Variants in ALLC observed in about 807,000 individuals in gnomAD.
ALLC encodes the protein probable inactive allantoicase.
In ALLC, 40 loss-of-function variants were observed where a neutral mutation model predicts 45.0. That is an observed-to-expected ratio of 0.89 (90% CI 0.69 to 1.16). ALLC has a LOEUF of 1.16. Among genes scored for constraint, ALLC ranks in the 50% most tolerant of loss-of-function variants. The pLI, the probability that ALLC is intolerant of heterozygous loss-of-function variation, is 0.00. For missense variants in ALLC, 488 were observed against 493.1 expected (o/e 0.99, Z 0.10); for synonymous variants, 176 against 178.1 (o/e 0.99, Z 0.09).
chr2:3,702,480 G>A lies in ALLC; in HGVS notation c.1093G>A (p.Gly365Ser). 1.2e-6 allele frequency: 2 copies of A among 1,612,044 alleles called. No homozygotes were observed. Among genetic ancestry groups the A allele is most frequent in the Non-Finnish European group, 1.7e-6 (2 of 1,179,598 alleles). ...GGGAGTGAGCCGCCTTCGGCTCCGGGGCTTCCCCAGCTCCATCTGCCTCCT... is the reference window on the plus strand; with the variant it reads ...GGGAGTGAGCCGCCTTCGGCTCCGGAGCTTCCCCAGCTCCATCTGCCTCCT... ...DGGVSRLRLR[G>S]FPSSICLLRP... is the part of the protein sequence containing the mutation. The change falls in exon 12 of 12, where the codon GGC becomes AGC. Residue 365 changes from glycine (G) to serine (S), a missense_variant. By Grantham distance (56) the Gly-to-Ser change is moderately conservative. Coordinates refer to ENST00000252505, the MANE Select transcript of ALLC (RefSeq NM_018436.4).
intron 1 of ALLC, among the ~76,000 whole-genome samples, chr2:3,666,249 C>A (rs998507925): frequency 6.6e-6 from 1 of 152,178 alleles, no homozygotes; most frequent in Admixed American, 6.6e-5. Flanking sequence ...CGCTCTGTAC[C>A]GGGGCATAGT....
At chr2:3,653,153 C>T in the ALLC span, among the ~76,000 whole-genome samples, 2 of 152,196 alleles carry the variant, frequency 1.3e-5, no homozygotes, top group Non-Finnish European at 2.9e-5. The surrounding 1 kb of genome is among the most constrained non-coding windows in gnomAD (Gnocchi z 4.1). Flanking sequence ...AGTGGGTGCA[C>T]ACGGGGCCCC....
chr2:3,697,617 G>GTCTATCTATCTA (rs201656158), intron 10 of ALLC, among the ~76,000 whole-genome samples, 161 bp downstream of exon 10: 37 of 138,708 alleles, frequency 2.7e-4, no homozygotes, highest in Non-Finnish European at 3.1e-4. Flanking sequence ...AACTCTGTCT[G>GTCTATCTATCTA]TCTGTCTATC....
the ALLC span, among the ~76,000 whole-genome samples, chr2:3,649,890 T>TA: frequency 6.6e-6 from 1 of 152,272 alleles, no homozygotes; most frequent in African/African-American, 2.4e-5. Flanking sequence ...GGATTCAGTG[T>TA]TTTTCCTCAT....
intron 10 of ALLC, among the ~76,000 whole-genome samples, chr2:3,700,009 C>A (rs1157772969): frequency 6.6e-6 from 1 of 152,118 alleles, no homozygotes; most frequent in Non-Finnish European, 1.5e-5. Context: ...AATTAGATCC[C>A]ATTTGTCATT....
At chr2:3,678,864 C>T (rs574126784) in intron 4 of ALLC, among the ~76,000 whole-genome samples, 15 of 152,272 alleles carry the variant, frequency 9.9e-5, no homozygotes, top group Admixed American at 5.9e-4. Context: ...CATTAGGCAG[C>T]GTGCATCTTC....
chr2:3,651,999 G>A, the ALLC span, among the ~76,000 whole-genome samples: 4 of 152,202 alleles, frequency 2.6e-5, no homozygotes, highest in African/African-American at 7.2e-5. Context: ...TCAGCAGTTC[G>A]GAACCAAGAA....
the ALLC span, among the ~76,000 whole-genome samples, chr2:3,646,637 C>T: frequency 3.3e-5 from 5 of 152,150 alleles, no homozygotes; most frequent in South Asian, 2.1e-4. Context: ...GAAGGGAGCC[C>T]GTCAGAGCGA....
At chr2:3,677,716 G>A (rs752997451) in intron 3 of ALLC, among the ~76,000 whole-genome samples, 5 of 152,156 alleles carry the variant, frequency 3.3e-5, no homozygotes, top group African/African-American at 9.7e-5. Context: ...CATCCCTGCC[G>A]CCCTGGGTCC....
the ALLC span, among the ~76,000 whole-genome samples, chr2:3,651,297 T>TGGGGGGGG: frequency 1.7e-3 from 3 of 1,720 alleles, no homozygotes; most frequent in East Asian, 0.015. Flanking sequence ...GAATTCTTTT[T>TGGGGGGGG]GGGTGGGTGG....
intron 1 of ALLC, among the ~76,000 whole-genome samples, chr2:3,663,953 A>G (rs572827479): frequency 1.3e-5 from 2 of 152,254 alleles, no homozygotes; most frequent in Non-Finnish European, 2.9e-5. Flanking sequence ...TGACTGAAGA[A>G]CTGGATTTTG....
At chr2:3,663,675 G>A (rs1269205480) in intron 1 of ALLC, among the ~76,000 whole-genome samples, 8 of 152,074 alleles carry the variant, frequency 5.3e-5, no homozygotes, top group Non-Finnish European at 8.8e-5. Flanking sequence ...GTTTTGCAGT[G>A]TCATTGAGGG....
At chr2:3,659,161 G>A (rs1019847483) in intron 1 of ALLC, among the ~76,000 whole-genome samples, 6 of 152,150 alleles carry the variant, frequency 3.9e-5, no homozygotes, top group African/African-American at 1.4e-4. Context: ...GCCCCTGAAG[G>A]TTTTCTTCTT....
At chr2:3,685,392 A>T (rs1036768802) in intron 7 of ALLC, among the ~76,000 whole-genome samples, 1 of 150,898 alleles carries the variant, frequency 6.6e-6, no homozygotes, top group Non-Finnish European at 1.5e-5. Flanking sequence ...CAGAAAGAGA[A>T]GGCGAAGCAA....
chr2:3,684,388 T>A (rs13022803), intron 7 of ALLC, among the ~76,000 whole-genome samples: 1 of 152,066 alleles, frequency 6.6e-6, no homozygotes, highest in African/African-American at 2.4e-5. Context: ...TATGTTTTAT[T>A]TGGAAAAATT....
the ALLC span, among the ~76,000 whole-genome samples, chr2:3,646,683 TGA>T: frequency 6.6e-6 from 1 of 152,174 alleles, no homozygotes; most frequent in Admixed American, 6.5e-5. Flanking sequence ...ACTCTGTGTA[TGA>T]GAGATGGAGT....
At chr2:3,667,445 C>G (rs959957452) in intron 1 of ALLC, among the ~76,000 whole-genome samples, 1 of 152,184 alleles carries the variant, frequency 6.6e-6, no homozygotes, top group Non-Finnish European at 1.5e-5. Flanking sequence ...TCATCGAGCT[C>G]CAGCGCTCTT....
At chr2:3,698,339 A>G (rs1667736587) in intron 10 of ALLC, among the ~76,000 whole-genome samples, 1 of 152,196 alleles carries the variant, frequency 6.6e-6, no homozygotes, top group East Asian at 1.9e-4. Flanking sequence ...ACAAGATTCC[A>G]TGACACTGTC....
intron 1 of ALLC, among the ~76,000 whole-genome samples, chr2:3,668,089 G>A (rs374298910): frequency 2.8e-4 from 42 of 152,306 alleles, no homozygotes; most frequent in African/African-American, 9.4e-4. Flanking sequence ...CAGAGAAGCA[G>A]TGACATGTAT....
Sources: gnomAD v4.1 joint callset for allele counts (sites outside exome capture counted in the v4.1 genomes callset) on GRCh38, gnomAD v4.1.1 for gene constraint, Gnocchi (gnomAD v3.1) non-coding constraint, MANE v1.5 for transcripts, NCBI Gene and HGNC (gene_info 2026-07-23, HGNC 2026-07-21) for gene names.